Variants in EML2 observed in about 807,000 individuals in gnomAD.
EML2 encodes EMAP like 2, also known as echinoderm microtubule-associated protein-like 2.
Under a neutral mutation model 84.7 loss-of-function variants are expected in EML2, and 59 were observed. The observed-to-expected ratio is 0.70, with a 90% confidence interval of 0.56 to 0.86. The LOEUF is 0.86. EML2 is among the 40% of genes least tolerant of loss of function. EML2 has a pLI of 0.00. For synonymous variants in EML2, 352 were observed against 348.9 expected, an observed-to-expected ratio of 1.01 and a Z score of -0.10; for missense variants, 818 against 855.6, an observed-to-expected ratio of 0.96 and a Z score of 0.55.
At chr19:45,641,522 C>G, upstream of EML2, 1 of 1,011,518 alleles carries the variant, frequency 9.9e-7, no homozygotes, top group Admixed American at 2.3e-5. Context: ...GCACCGTCCC[C>G]GCTTTTGAAC....
chr19:45,643,430 A>AAC, upstream of EML2: 1 of 912,382 alleles, frequency 1.1e-6, no homozygotes, highest in Admixed American at 2.2e-5. Flanking sequence ...TCGCCTCTGT[A>AAC]CCCCGCGCCC....
chr19:45,641,384 T>C (rs933693779), upstream of EML2: 8 of 479,864 alleles, frequency 1.7e-5, no homozygotes, highest in African/African-American at 1.6e-4. Flanking sequence ...CCTCCCTGAC[T>C]TCCTCACCCA....
At chr19:45,618,998 C>G (rs1020399349) in intron 12 of EML2, 62 bp downstream of exon 12, 49 of 1,500,202 alleles carry the variant, frequency 3.3e-5, no homozygotes, top group Non-Finnish European at 4.3e-5. Flanking sequence ...GTGCTGAGCC[C>G]TGACACAGGG....
intron 18 of EML2, among the ~76,000 whole-genome samples, chr19:45,612,169 A>G (rs185610191): frequency 4.6e-5 from 7 of 152,036 alleles, no homozygotes; most frequent in Middle Eastern, 3.4e-3. Context: ...GGTTCAAGCA[A>G]TTCTCCTGCC....
chr19:45,617,633 C>G lies in EML2; in HGVS notation c.1319G>C (p.Gly440Ala). Residue 440 changes from glycine (G) to alanine (A), a missense_variant, in exon 13 of 19, where the codon GGC becomes GCC. Physicochemically the swap from Gly to Ala is moderately conservative, Grantham distance 60. Coordinates refer to ENST00000245925, the MANE Select transcript of EML2 (RefSeq NM_012155.4). ...GSVLAVGTVTGRWLLLDTETH... is the reference protein window; with the variant it reads ...GSVLAVGTVTARWLLLDTETH... ...GAAATGCTCTCCTCAGCTTTACCTGCCAGTCACTGTACCCACAGCCAGGAC... is the reference window on the plus strand; with the variant it reads ...GAAATGCTCTCCTCAGCTTTACCTGGCAGTCACTGTACCCACAGCCAGGAC... 1.2e-6 allele frequency: 2 copies of G among 1,613,552 alleles called. No homozygotes were observed. The highest frequency in any genetic ancestry group is 1.7e-6 in the Non-Finnish European group (2 of 1,179,694).
chr19:45,638,950 C>T, intron 1 of EML2, 77 bp from the exon 2 acceptor site: 1 of 1,550,028 alleles, frequency 6.5e-7, no homozygotes. Context: ...TCCTCCACCC[C>T]CACCGCTCCC....
At position 45,609,798 on chromosome 19, in the gene EML2, G is replaced by A; in HGVS notation, c.1825-10C>T. 1 of 1,611,134 alleles carries A rather than the reference G, an allele frequency of 6.2e-7. No individual in the cohort carries two copies. Among genetic ancestry groups the A allele is most frequent in the African/African-American group, 1.3e-5 (1 of 74,826 alleles). On this transcript the variant is annotated splice_polypyrimidine_tract_variant and intron_variant, in intron 18 of 18. Coordinates refer to ENST00000245925, the MANE Select transcript of EML2 (RefSeq NM_012155.4). ...ACTTGTGGCTGAGGGCCTGTTACAA[G>A]GAAAGAAGTAAGTGAAGAAATGTCA... is the stretch of plus-strand genomic sequence containing the variant.
chr19:45,645,151 G>T (rs1974933832), upstream of EML2: 2 of 1,143,276 alleles, frequency 1.7e-6, no homozygotes, highest in Non-Finnish European at 1.2e-6. Context: ...CCTGCTGAGG[G>T]AGAGAAAAGG....
chr19:45,645,468 C>G, upstream of EML2: 1 of 1,408,270 alleles, frequency 7.1e-7, no homozygotes, highest in Non-Finnish European at 9.2e-7. Context: ...CGCCTGGCAT[C>G]AGGCGGCCGG....
At position 45,638,601 on chromosome 19, in the gene EML2, C is replaced by T. The variant is rs773398361; in HGVS notation, c.83G>A (p.Arg28His). Residue 28 changes from arginine to histidine, a missense_variant, in exon 3 of 19, where the codon CGC (arginine) becomes CAC (histidine). By Grantham distance (29) the Arg-to-His change is conservative. Coordinates refer to ENST00000245925, the MANE Select transcript of EML2 (RefSeq NM_012155.4). ...DGSVKMFLRG[R>H]PVPMMIPDEL... is the part of the protein sequence containing the mutation. ...GTCTGGGATCATCATGGGCACAGGG[C>T]GGCCCCTCAGGAACATTTTCACGGA... 8 of 1,614,008 alleles carry T rather than the reference C, an allele frequency of 5.0e-6. No individual in the cohort carries two copies. In the South Asian group the frequency reaches 8.8e-5, roughly 18 times the overall value.
At chr19:45,613,087 T>C (rs1970660646) in intron 18 of EML2, among the ~76,000 whole-genome samples, 1 of 151,964 alleles carries the variant, frequency 6.6e-6, no homozygotes, top group Admixed American at 6.6e-5. Context: ...TTTGTAGAGA[T>C]GGGGTCTCAC....
intron 7 of EML2, among the ~76,000 whole-genome samples, chr19:45,629,445 C>A (rs1408060620): frequency 6.6e-6 from 1 of 152,116 alleles, no homozygotes; most frequent in East Asian, 1.9e-4. Flanking sequence ...CTGCCTCAGC[C>A]TCCCGAGTAG....
intron 6 of EML2, 58 bp downstream of exon 6, chr19:45,632,803 G>T (rs1050201606): frequency 2.8e-5 from 41 of 1,459,892 alleles, no homozygotes; most frequent in Non-Finnish European, 3.9e-5. Context: ...AAAAGGTGCG[G>T]GCACTTGCCC....
At chr19:45,636,450 G>C (rs1485094971) in intron 3 of EML2, among the ~76,000 whole-genome samples, 1 of 151,902 alleles carries the variant, frequency 6.6e-6, no homozygotes, top group Non-Finnish European at 1.5e-5. Context: ...TTTCATTTCT[G>C]TATCTCCTCC....
intron 9 of EML2, 121 bp downstream of exon 9, chr19:45,624,598 G>T: frequency 1.4e-6 from 1 of 697,238 alleles, no homozygotes; most frequent in Non-Finnish European, 2.5e-6. Context: ...CTTGACGAGG[G>T]TGTTGGAATC....
Position 45,624,785 on chromosome 19 carries a change from TCA to T in EML2, c.773_774del (p.Val258AspfsTer57). 1 of 1,613,636 alleles carries T rather than the reference TCA, an allele frequency of 6.2e-7. No homozygotes were observed. Among genetic ancestry groups the T allele is most frequent in the Non-Finnish European group, 8.5e-7 (1 of 1,179,864 alleles). ...ACCACGTCGCCACCTTCCAAAAAGG[TCA>T]CACACAGCACATACTTCGGTTTCTC... ...KHEKPKYVLC[V>X]TFLEGGDVVT... On this transcript the variant is annotated frameshift_variant, in exon 9 of 19. Coordinates refer to ENST00000245925, the MANE Select transcript of EML2 (RefSeq NM_012155.4). LOFTEE classifies it high-confidence loss of function.
At position 45,619,153 on chromosome 19, in the gene EML2, G is replaced by C. The variant is rs746193529; in HGVS notation, c.1161C>G (p.Pro387=). The C allele has an allele frequency of 1.2e-6, 2 of 1,611,628 alleles. No individual in the cohort carries two copies. The highest frequency in any genetic ancestry group is 8.5e-7 in the Non-Finnish European group (1 of 1,179,538). The change falls in exon 12 of 19, where the codon CCC becomes CCG. Residue 387 remains proline, a synonymous_variant. Coordinates refer to ENST00000245925, the MANE Select transcript of EML2 (RefSeq NM_012155.4). ...VEELWGLATH[P]SRAQFVTCGQ... Reference sequence around the variant, plus strand: ...CGCAGGTCACAAACTGGGCCCGACTGGGGTGTGTGGCCAGGCCCCACAGCT... The same window carrying C: ...CGCAGGTCACAAACTGGGCCCGACTCGGGTGTGTGGCCAGGCCCCACAGCT...
chr19:45,615,519 A>AAATAATAATAAT (rs56322389), intron 16 of EML2, among the ~76,000 whole-genome samples: 1,532 of 139,160 alleles, frequency 0.011, 12 homozygotes, highest in East Asian at 0.018. Flanking sequence ...CTCCGTCTCA[A>AAATAATAATAAT]AATAATAATA....
intron 3 of EML2, among the ~76,000 whole-genome samples, chr19:45,635,821 A>C (rs1157029461): frequency 1.3e-5 from 2 of 151,250 alleles, no homozygotes; most frequent in Admixed American, 1.3e-4. Context: ...TGAACTCCCA[A>C]CCTCAGGTGA....
Sources: gnomAD v4.1 joint callset for allele counts (sites outside exome capture counted in the v4.1 genomes callset) on GRCh38, gnomAD v4.1.1 for gene constraint, MANE v1.5 for transcripts, NCBI Gene and HGNC (gene_info 2026-07-23, HGNC 2026-07-21) for gene names.